DCAF17: variants seen among roughly 807,000 people sequenced by gnomAD.
The protein encoded by DCAF17 is DDB1 and CUL4 associated factor 17.
In DCAF17, 48 loss-of-function variants were observed where a neutral mutation model predicts 66.0. The observed-to-expected ratio is 0.73, with a 90% confidence interval of 0.58 to 0.92. DCAF17 has a LOEUF of 0.92. Among genes scored for constraint, DCAF17 ranks in the 40% least tolerant of loss-of-function variants. DCAF17 has a pLI of 0.00. For missense variants in DCAF17, 562 were observed against 622.8 expected (o/e 0.90, Z 1.04); for synonymous variants, 206 against 214.6 (o/e 0.96, Z 0.35).
Position 171,481,788 on chromosome 2 carries a change from A to G in DCAF17, c.*674A>G. On this transcript the variant is annotated 3_prime_UTR_variant, in exon 14 of 14. Coordinates refer to ENST00000375255, the MANE Select transcript of DCAF17 (RefSeq NM_025000.4). ...GTTTCTATATAGGCTAATGTAAAAG[A>G]TTCCAAGCAAACCTTAAGTGAAATT... The G allele has an allele frequency of 2.2e-6, 1 of 453,476 alleles. No individual in the cohort carries two copies. Among genetic ancestry groups the G allele is most frequent in the South Asian group, 1.6e-5 (1 of 64,308 alleles). The allele number at this position is 453,476 out of a possible 1,614,324, so 28.1% of individuals were successfully genotyped here. A position where few individuals can be genotyped will look rare whatever the true frequency, so the allele number is the denominator to read the frequency against.
chr2:171,470,565 C>A (rs1354368462), intron 9 of DCAF17, among the ~76,000 whole-genome samples: 1 of 152,118 alleles, frequency 6.6e-6, no homozygotes, highest in Non-Finnish European at 1.5e-5. Context: ...TCCTATTTGG[C>A]CCAGCCCAGT....
At chr2:171,473,303 A>G (rs1021806715) in intron 9 of DCAF17, among the ~76,000 whole-genome samples, 2 of 152,162 alleles carry the variant, frequency 1.3e-5, no homozygotes, top group Admixed American at 6.5e-5. Flanking sequence ...GCTGTTTAGT[A>G]GGTTGAAAAT....
rs544072566 is a variant in DCAF17, at chr2:171,460,946, T to A, written c.838+2469T>A. Among the ~76,000 whole-genome samples, 45 of 152,294 alleles carry A rather than the reference T, an allele frequency of 3.0e-4. 2 individuals carry two copies. In the South Asian group the frequency reaches 9.3e-3, roughly 32 times the overall value. On this transcript the variant is annotated intron_variant, in intron 8 of 13. Transcript: ENST00000375255. ...CATTTGTCATTGTAAAAAAAAATAA[T>A]TCAATGATTTTTGTATGTTTGACTA...
At chr2:171,438,509 C>T (rs1450354076) in intron 2 of DCAF17, among the ~76,000 whole-genome samples, 1 of 152,110 alleles carries the variant, frequency 6.6e-6, no homozygotes. Flanking sequence ...TCCGTGTTTG[C>T]CACATTGTGT....
At chr2:171,464,854 A>G (rs755038147) in intron 8 of DCAF17, among the ~76,000 whole-genome samples, 1 of 152,018 alleles carries the variant, frequency 6.6e-6, no homozygotes, top group Non-Finnish European at 1.5e-5. Flanking sequence ...TTATCCTACT[A>G]TATATATATG....
Position 171,481,070 on chromosome 2 carries a change from T to C in DCAF17, c.1519T>C (p.Cys507Arg), listed in dbSNP as rs147685213. 7.1e-5 allele frequency: 115 copies of C among 1,613,686 alleles called. No homozygotes were observed. The highest frequency in any genetic ancestry group is 6.6e-4 in the Middle Eastern group (4 of 6,084). ...VFSCYVYQMICDTGEEEETIN... is the reference protein window; with the variant it reads ...VFSCYVYQMIRDTGEEEETIN... Reference sequence around the variant, plus strand: ...CAGCTGCTATGTTTACCAGATGATATGTGACACTGGGGAAGAAGAAGAAAC... The same window carrying C: ...CAGCTGCTATGTTTACCAGATGATACGTGACACTGGGGAAGAAGAAGAAAC... The change falls in exon 14 of 14, where the codon TGT becomes CGT. Residue 507 changes from cysteine to arginine, a missense_variant. Around this residue, in one of 3 missense-constraint regions of DCAF17, gnomAD observed 201 missense variants for 231.1 expected, o/e 0.87. Coordinates refer to ENST00000375255, the MANE Select transcript of DCAF17 (RefSeq NM_025000.4).
chr2:171,468,068 C>T (rs1481609106), intron 8 of DCAF17, among the ~76,000 whole-genome samples: 1 of 152,066 alleles, frequency 6.6e-6, no homozygotes. Context: ...CTAAAGGCTG[C>T]TTGAAATGAA....
At chr2:171,439,226 C>A (rs1297222126) in intron 2 of DCAF17, among the ~76,000 whole-genome samples, 1 of 152,032 alleles carries the variant, frequency 6.6e-6, no homozygotes, top group East Asian at 1.9e-4. Context: ...TTGGAAAATT[C>A]TCAGCCATTA....
At chr2:171,449,443 A>T (rs1694823487) in intron 4 of DCAF17, among the ~76,000 whole-genome samples, 1 of 152,210 alleles carries the variant, frequency 6.6e-6, no homozygotes, top group Non-Finnish European at 1.5e-5. Context: ...CCTGAAGGCT[A>T]GTCTGTTTCA....
At chr2:171,461,687 GCACCCA>G (rs1695595073) in intron 8 of DCAF17, among the ~76,000 whole-genome samples, 1 of 152,062 alleles carries the variant, frequency 6.6e-6, no homozygotes, top group African/African-American at 2.4e-5. Flanking sequence ...TAATTAAAAT[GCACCCA>G]TTTTAACTGT....
intron 1 of DCAF17, 82 bp from the exon 2 acceptor site, chr2:171,435,001 A>G (rs531367078): frequency 1.7e-6 from 2 of 1,202,994 alleles, no homozygotes; most frequent in African/African-American, 1.5e-5. Context: ...AATATAGGTG[A>G]CATTATGTTG....
intron 8 of DCAF17, among the ~76,000 whole-genome samples, chr2:171,460,543 A>ATTATTATTT (rs1179035573): frequency 0.15 from 20,261 of 136,570 alleles, 5,020 homozygotes; most frequent in Middle Eastern, 0.24. Flanking sequence ...TATTATTATT[A>ATTATTATTT]ATTTTGAGAC....
At chr2:171,440,978 A>T (rs907585167) in intron 2 of DCAF17, among the ~76,000 whole-genome samples, 1 of 152,180 alleles carries the variant, frequency 6.6e-6, no homozygotes, top group Admixed American at 6.5e-5. Context: ...ATTTAGAGAG[A>T]ATAGTCAGCT....
Position 171,482,556 on chromosome 2 carries a change from ATGTTG to A in DCAF17, c.*1446_*1450del. The A allele has an allele frequency of 2.2e-6, 1 of 454,084 alleles. No homozygotes were observed. The highest frequency in any genetic ancestry group is 1.6e-5 in the South Asian group (1 of 64,482). 28.1% of individuals were successfully genotyped at this position (454,084 alleles called of 1,614,324 possible). On this transcript the variant is annotated 3_prime_UTR_variant, in exon 14 of 14. Transcript: ENST00000375255. Reference sequence around the variant, plus strand: ...GTGAAAGTACTAAAGAAAGAAACCAATGTTGTGTGAGTTTCAAAGCAGCTGCAATG... The same window carrying A: ...GTGAAAGTACTAAAGAAAGAAACCAATGTGAGTTTCAAAGCAGCTGCAATG...
chr2:171,476,307 C>G (rs758502229), intron 10 of DCAF17, among the ~76,000 whole-genome samples: 11 of 152,250 alleles, frequency 7.2e-5, no homozygotes, highest in Middle Eastern at 3.4e-3. Flanking sequence ...ACCCCCAAAT[C>G]TTTAAATATA....
intron 10 of DCAF17, among the ~76,000 whole-genome samples, chr2:171,476,128 T>A (rs561216195): frequency 2.4e-4 from 37 of 151,714 alleles, no homozygotes; most frequent in African/African-American, 8.9e-4. Flanking sequence ...TCTGGACACA[T>A]AGCTGCTTCT....
intron 7 of DCAF17, 64 bp from the exon 8 acceptor site, chr2:171,458,308 G>A (rs1285834733): frequency 7.2e-7 from 1 of 1,388,052 alleles, no homozygotes; most frequent in Non-Finnish European, 1.0e-6. Context: ...TTTTATTTTT[G>A]TTCTCTCCAG....
At chr2:171,473,299 T>G (rs1234081222) in intron 9 of DCAF17, among the ~76,000 whole-genome samples, 3 of 152,152 alleles carry the variant, frequency 2.0e-5, no homozygotes, top group African/African-American at 7.2e-5. Context: ...ATCTGCTGTT[T>G]AGTAGGTTGA....
chr2:171,439,614 A>G (rs1694186954), intron 2 of DCAF17, among the ~76,000 whole-genome samples: 1 of 140,050 alleles, frequency 7.1e-6, no homozygotes, highest in African/African-American at 2.7e-5. Flanking sequence ...TTAATCAGCT[A>G]TTTAATTAAT....
Sources: gnomAD v4.1 joint callset for allele counts (sites outside exome capture counted in the v4.1 genomes callset) on GRCh38, gnomAD v4.1.1 for gene constraint, gnomAD v4.1.1 regional missense constraint, MANE v1.5 for transcripts, NCBI Gene and HGNC (gene_info 2026-07-23, HGNC 2026-07-21) for gene names.